BICRA: variants seen among roughly 807,000 people sequenced by gnomAD.
BICRA encodes the protein BRD4-interacting chromatin-remodeling complex-associated protein.
Under a neutral mutation model 96.9 loss-of-function variants are expected in BICRA, and 31 were observed. The observed-to-expected ratio is 0.32, with a 90% confidence interval of 0.24 to 0.43. The LOEUF (loss-of-function observed/expected upper bound fraction) is 0.43, where lower values mean the gene tolerates loss of function less well. Among genes scored for constraint, BICRA ranks in the 20% least tolerant of loss-of-function variants. The pLI is 1.00. For missense variants in BICRA, 2,283 were observed against 2,190.3 expected, an observed-to-expected ratio of 1.04 and a Z score of -0.84; for synonymous variants, 1,350 against 1,071.8, an observed-to-expected ratio of 1.26 and a Z score of -5.07.
intron 1 of BICRA, among the ~76,000 whole-genome samples, chr19:47,614,688 T>C (rs540828432): frequency 5.9e-5 from 9 of 152,308 alleles, no homozygotes; most frequent in African/African-American, 2.2e-4. Context: ...GGTCTATGCA[T>C]TGCTTTTTTT....
rs34257198 is a variant in BICRA at position 47,700,795 on chromosome 19, A to AAAACAAAC, written c.3596-517_3596-510dup. On this transcript the variant is annotated intron_variant, in intron 14 of 14. Transcript: ENST00000594866. ...GGCAACAGATTGAGACTGTCTCAAA[A>AAAACAAAC]AAACAAACAAACAAACAAACAAAAA... The AAAACAAAC allele has an allele frequency of 6.9e-3, 1,065 of 155,334 alleles. 6 individuals carry two copies. Among genetic ancestry groups the AAAACAAAC allele is most frequent in the African/African-American group, 0.024 (1,003 of 41,412 alleles). The allele number at this position is 155,334 out of a possible 1,614,324, so 9.6% of individuals were successfully genotyped here.
intron 1 of BICRA, among the ~76,000 whole-genome samples, chr19:47,655,372 A>C (rs1972599317): frequency 6.6e-6 from 1 of 150,732 alleles, no homozygotes; most frequent in South Asian, 2.1e-4. Context: ...CTAAAAATAC[A>C]AAATTAGCCG....
rs1429767245 is a variant in BICRA at position 47,699,755 on chromosome 19, T to C, written c.3595+350T>C. Among the ~76,000 whole-genome samples, 1 of 152,158 alleles carries C rather than the reference T, an allele frequency of 6.6e-6. No individual in the cohort carries two copies. The highest frequency in any genetic ancestry group is 1.5e-5 in the Non-Finnish European group (1 of 68,026). ...CCACTCTTGGGTGCCAGTCCTTTGC[T>C]TGGGGACCCTGAGAGTGAGCACCTC... On this transcript the variant is annotated intron_variant, in intron 14 of 14. Coordinates refer to ENST00000594866, the MANE Select transcript of BICRA (RefSeq NM_001394372.1). This position sits in a 1 kb window ranked among gnomAD's most constrained non-coding sequence, Gnocchi z 5.0.
chr19:47,652,755 A>G (rs2123550750), intron 1 of BICRA, among the ~76,000 whole-genome samples: 1 of 152,334 alleles, frequency 6.6e-6, no homozygotes, highest in East Asian at 1.9e-4. Context: ...AATTATTTTG[A>G]AAACTATGCA....
chr19:47,691,168 A>G (rs1400533664), intron 7 of BICRA, among the ~76,000 whole-genome samples: 2 of 152,220 alleles, frequency 1.3e-5, no homozygotes, highest in Non-Finnish European at 2.9e-5. Context: ...TTGTGTGGCT[A>G]TTAGCAGGAG....
rs1250319082 is a variant in BICRA, at chr19:47,681,005, C to A, written c.1835C>A (p.Thr612Asn). ...CAGCCGGCCACCCCTGCCGCTGCCA[C>A]CGGGGAGGCCGCGCCTGTCCTCACG... ...LVQPATPAAA[T>N]GEAAPVLTVQ... is the part of the protein sequence containing the mutation. The change falls in exon 6 of 15, where the codon ACC (threonine) becomes AAC (asparagine). Residue 612 changes from threonine to asparagine, a missense_variant. Thr to Asn is a moderately conservative substitution (Grantham distance 65). Coordinates refer to ENST00000594866, the MANE Select transcript of BICRA (RefSeq NM_001394372.1). 14 of 1,457,456 alleles carry A rather than the reference C, an allele frequency of 9.6e-6. No homozygotes were observed. Among genetic ancestry groups the A allele is most frequent in the South Asian group, 2.7e-5 (2 of 75,176 alleles). 90.3% of individuals were successfully genotyped at this position (1,457,456 alleles called of 1,614,324 possible).
intron 1 of BICRA, among the ~76,000 whole-genome samples, chr19:47,610,628 C>CAT (rs1430313607): frequency 9.9e-5 from 15 of 151,100 alleles, no homozygotes; most frequent in African/African-American, 3.2e-4. Flanking sequence ...CACACACACA[C>CAT]CTACCTACCC....
At chr19:47,694,751 C>T (rs1265555983) in intron 8 of BICRA, 25 bp downstream of exon 8, 2 of 1,183,998 alleles carry the variant, frequency 1.7e-6, no homozygotes, top group Non-Finnish European at 2.4e-6. Context: ...GGACTGCCCG[C>T]CCCATCAGCC....
chr19:47,695,348 A>ACCCCCCCCCCCCCCCCCCCCCCCCCCCC lies in BICRA; in HGVS notation c.3077-13_3077-12insCCCCCCCCCCCCCCCCCCCCCCCCCCCC. 2.7e-6 allele frequency: 1 copy of ACCCCCCCCCCCCCCCCCCCCCCCCCCCC among 365,010 alleles called. No individual in the cohort carries two copies. The highest frequency in any genetic ancestry group is 5.1e-6 in the Non-Finnish European group (1 of 197,048). 22.6% of individuals were successfully genotyped at this position (365,010 alleles called of 1,614,324 possible). A position where few individuals can be genotyped will look rare whatever the true frequency, so the allele number is the denominator to read the frequency against. On this transcript the variant is annotated splice_polypyrimidine_tract_variant and intron_variant, in intron 9 of 14. Transcript: ENST00000594866. ...AGTGACCGCAGGCCCTGTCTCCCCC[A>ACCCCCCCCCCCCCCCCCCCCCCCCCCCC]CCCCACCCACCCCCAGGCCTCCCTC...
intron 11 of BICRA, 22 bp downstream of exon 11, chr19:47,696,534 G>A: frequency 6.3e-7 from 1 of 1,585,832 alleles, no homozygotes; most frequent in Non-Finnish European, 8.6e-7. Context: ...CCCCATCCTT[G>A]CATGCCTGCC....
At chr19:47,654,148 A>G (rs917863852) in intron 1 of BICRA, among the ~76,000 whole-genome samples, 2 of 152,146 alleles carry the variant, frequency 1.3e-5, no homozygotes, top group Non-Finnish European at 2.9e-5. Context: ...TTACAGTCCT[A>G]CCGACAGTGA....
rs957896112 is a variant in BICRA, at chr19:47,702,635, T to TC, written c.*224dup. 5 of 536,798 alleles carry TC rather than the reference T, an allele frequency of 9.3e-6. No individual in the cohort carries two copies. The African/African-American group carries it at 1.0e-4, about 11-fold the overall frequency. The allele number at this position is 536,798 out of a possible 1,614,324, so 33.3% of individuals were successfully genotyped here. ...GGAGGGGGCTGTGATGTAAAACGTC[T>TC]CCCCTGCCAAAGGAGGGGCAAAGTG... is the stretch of plus-strand genomic sequence containing the variant. On this transcript the variant is annotated 3_prime_UTR_variant, in exon 15 of 15. Transcript: ENST00000594866.
intron 7 of BICRA, among the ~76,000 whole-genome samples, chr19:47,682,450 C>A (rs566724492): frequency 6.6e-6 from 1 of 152,304 alleles, no homozygotes; most frequent in East Asian, 1.9e-4. Context: ...ATTCACATTT[C>A]AAACGGTACA....
intron 1 of BICRA, among the ~76,000 whole-genome samples, chr19:47,632,605 T>C (rs1972237168): frequency 6.6e-6 from 1 of 152,190 alleles, no homozygotes; most frequent in East Asian, 1.9e-4. Flanking sequence ...TGGGCTCCCA[T>C]CACTGTGTGC....
chr19:47,618,816 G>C (rs1486811755), intron 1 of BICRA, among the ~76,000 whole-genome samples: 2 of 152,236 alleles, frequency 1.3e-5, no homozygotes, highest in African/African-American at 4.8e-5. Flanking sequence ...GGCCTCTGCT[G>C]CCTGGAGGCA....
chr19:47,673,432 C>T, intron 2 of BICRA, 138 bp from the exon 3 acceptor site: 1 of 695,148 alleles, frequency 1.4e-6, no homozygotes. Flanking sequence ...TATTCCTTGT[C>T]CCCATCTATC....
At position 47,675,986 on chromosome 19, in the gene BICRA, A is replaced by G; in HGVS notation, c.150+70A>G. 1.1e-6 allele frequency: 1 copy of G among 934,672 alleles called. No individual in the cohort carries two copies. The allele number at this position is 934,672 out of a possible 1,614,324, so 57.9% of individuals were successfully genotyped here. A position where few individuals can be genotyped will look rare whatever the true frequency, so the allele number is the denominator to read the frequency against. ...CCAGCGGGAGGAGGGCCCTGAAGCCAAGAGGGGAGGCTTGGGCTCATCTCG... is the reference window on the plus strand; with the variant it reads ...CCAGCGGGAGGAGGGCCCTGAAGCCGAGAGGGGAGGCTTGGGCTCATCTCG... On this transcript the variant is annotated intron_variant, in intron 5 of 14. Coordinates refer to ENST00000594866, the MANE Select transcript of BICRA (RefSeq NM_001394372.1). This position sits in a 1 kb window ranked among gnomAD's most constrained non-coding sequence, Gnocchi z 4.7.
At chr19:47,652,187 A>C (rs1972550296) in intron 1 of BICRA, among the ~76,000 whole-genome samples, 1 of 152,036 alleles carries the variant, frequency 6.6e-6, no homozygotes, top group South Asian at 2.1e-4. Context: ...GGTGGAGGGG[A>C]GGAAGGTCAT....
At chr19:47,610,559 GC>G (rs1314716341) in intron 1 of BICRA, among the ~76,000 whole-genome samples, 1 of 151,842 alleles carries the variant, frequency 6.6e-6, no homozygotes, top group Non-Finnish European at 1.5e-5. Flanking sequence ...ATCCTGGTGG[GC>G]TGCAGTCTGT....
Sources: gnomAD v4.1 joint callset for allele counts (sites outside exome capture counted in the v4.1 genomes callset) on GRCh38, gnomAD v4.1.1 for gene constraint, Gnocchi (gnomAD v3.1) non-coding constraint, MANE v1.5 for transcripts, NCBI Gene and HGNC (gene_info 2026-07-23, HGNC 2026-07-21) for gene names.